Variants in TLR3 observed in about 807,000 individuals in gnomAD.
The protein encoded by TLR3 is toll like receptor 3.
Under a neutral mutation model 66.4 loss-of-function variants are expected in TLR3, and 43 were observed. The observed-to-expected ratio is 0.65, with a 90% confidence interval of 0.51 to 0.83. TLR3 has a LOEUF of 0.83. TLR3 is among the 40% of genes least tolerant of loss of function. The pLI, the probability that TLR3 is intolerant of heterozygous loss-of-function variation, is 0.00. For missense variants in TLR3, 982 were observed against 1,044.6 expected (o/e 0.94, Z 0.83); for synonymous variants, 397 against 397.2 (o/e 1.00, Z 0.01).
rs2150068742 is a variant in TLR3, at chr4:186,086,639, T to C, written c.*1766T>C. On this transcript the variant is annotated 3_prime_UTR_variant, in exon 5 of 5. Coordinates refer to ENST00000296795, the MANE Select transcript of TLR3 (RefSeq NM_003265.3). ...AAATAAAAATCACAACTTCTGCTTT[T>C]CTTATATGCTTTGTGTGTTATCACA... 6.6e-6 allele frequency: 1 copy of C among 152,370 alleles called. No homozygotes were observed. The allele number at this position is 152,370 out of a possible 1,614,324, so 9.4% of individuals were successfully genotyped here.
Position 186,083,929 on chromosome 4 carries a change from A to G in TLR3, c.2243A>G (p.Asp748Gly), listed in dbSNP as rs778610624. The G allele has an allele frequency of 2.5e-6, 4 of 1,614,054 alleles. No individual in the cohort carries two copies. The Admixed American group carries it at 6.7e-5, about 27-fold the overall frequency. ...VHRVLGFKEI[D>G]RQTEQFEYAA... ...CGAGTTCTTGGTTTCAAAGAAATAG[A>G]CAGACAGACAGAACAGTTTGAATAT... The change falls in exon 4 of 5, where the codon GAC becomes GGC. Residue 748 changes from aspartate to glycine, a missense_variant. By Grantham distance (94) the Asp-to-Gly change is moderately conservative. Around this residue, in one of 3 missense-constraint regions of TLR3, gnomAD observed 666 missense variants for 709.0 expected, o/e 0.94. Transcript: ENST00000296795. This position sits in a 1 kb window ranked among gnomAD's most constrained non-coding sequence, Gnocchi z 4.0.
chr4:186,070,345 A>C (rs1449885164), intron 1 of TLR3, among the ~76,000 whole-genome samples: 3 of 152,102 alleles, frequency 2.0e-5, no homozygotes, highest in African/African-American at 7.2e-5. Flanking sequence ...GATGGATGTG[A>C]AATTTCCCTA....
chr4:186,070,374 T>TATTTC (rs2099301227), intron 1 of TLR3, among the ~76,000 whole-genome samples: 1 of 146,624 alleles, frequency 6.8e-6, no homozygotes, highest in Non-Finnish European at 1.5e-5. Flanking sequence ...TATTTTATTT[T>TATTTC]ATTTCATTTT....
chr4:186,076,844 C>T lies in TLR3; in HGVS notation c.225C>T (p.Ser75=). 1 of 1,614,154 alleles carries T rather than the reference C, an allele frequency of 6.2e-7. No homozygotes were observed. The highest frequency in any genetic ancestry group is 8.5e-7 in the Non-Finnish European group (1 of 1,180,034). The change falls in exon 2 of 5, where the codon AGC becomes AGT. Residue 75 remains serine, a synonymous_variant. Coordinates refer to ENST00000296795, the MANE Select transcript of TLR3 (RefSeq NM_003265.3). ...RLPAANFTRY[S]QLTSLDVGFN... ...CAGCCGCCAACTTCACAAGGTATAG[C>T]CAGCTAACTAGCTTGGATGTAGGAT...
intron 2 of TLR3, among the ~76,000 whole-genome samples, chr4:186,078,606 A>G (rs1433546882): frequency 2.0e-5 from 3 of 152,216 alleles, no homozygotes; most frequent in Non-Finnish European, 4.4e-5. Flanking sequence ...TGATTCTTGA[A>G]GTAAGAAATA....
intron 1 of TLR3, among the ~76,000 whole-genome samples, chr4:186,072,335 G>A (rs768119570): frequency 3.7e-4 from 57 of 152,110 alleles, no homozygotes; most frequent in Non-Finnish European, 6.3e-4. Context: ...GAGTGGGGGC[G>A]AAGTCTCACT....
chr4:186,079,448 T>G (rs932174224), intron 3 of TLR3, among the ~76,000 whole-genome samples: 4 of 152,190 alleles, frequency 2.6e-5, no homozygotes, highest in African/African-American at 9.6e-5. Context: ...AATCATGTTA[T>G]CAGGCAAGTT....
intron 1 of TLR3, among the ~76,000 whole-genome samples, chr4:186,072,022 G>T (rs1561368879): frequency 6.6e-6 from 1 of 152,222 alleles, no homozygotes; most frequent in Non-Finnish European, 1.5e-5. Flanking sequence ...ACAATGTATG[G>T]AGTTGAGTGG....
At position 186,087,785 on chromosome 4, in the gene TLR3, A is replaced by C. The variant is rs2099304602; in HGVS notation, c.*2912A>C. The C allele has an allele frequency of 6.6e-6, 1 of 152,170 alleles. No homozygotes were observed. The allele number at this position is 152,170 out of a possible 1,614,324, so 9.4% of individuals were successfully genotyped here. ...GTTATAGTGACCATTGAAAAATGTAAAGGGGCTTCAAATCAAGAACTTAGA... is the reference window on the plus strand; with the variant it reads ...GTTATAGTGACCATTGAAAAATGTACAGGGGCTTCAAATCAAGAACTTAGA... On this transcript the variant is annotated 3_prime_UTR_variant, in exon 5 of 5. Transcript: ENST00000296795.
chr4:186,078,096 A>G (rs1579727841), intron 2 of TLR3, among the ~76,000 whole-genome samples: 1 of 152,320 alleles, frequency 6.6e-6, no homozygotes, highest in South Asian at 2.1e-4. Context: ...AGGCCTCAAA[A>G]TCTGGCTAGA....
intron 3 of TLR3, chr4:186,082,087 T>C: frequency 1.9e-6 from 1 of 529,896 alleles, no homozygotes; most frequent in Non-Finnish European, 3.3e-6. Flanking sequence ...TAGCTGGACG[T>C]GGTGGCGCAT....
rs1366088108 is a variant in TLR3, at chr4:186,083,163, A to G, written c.1477A>G (p.Lys493Glu). Residue 493 changes from lysine to glutamate, a missense_variant, in exon 4 of 5, where the codon AAA becomes GAA. Physicochemically the swap from Lys to Glu is moderately conservative, Grantham distance 56. Around this residue, in one of 3 missense-constraint regions of TLR3, gnomAD observed 666 missense variants for 709.0 expected, o/e 0.94. Coordinates refer to ENST00000296795, the MANE Select transcript of TLR3 (RefSeq NM_003265.3). This position sits in a 1 kb window ranked among gnomAD's most constrained non-coding sequence, Gnocchi z 4.0. Reference sequence around the variant, plus strand: ...ACTGATGCTCCGAAGGGTGGCCCTTAAAAATGTGGATAGCTCTCCTTCACC... The same window carrying G: ...ACTGATGCTCCGAAGGGTGGCCCTTGAAAATGTGGATAGCTCTCCTTCACC... ...QRLMLRRVAL[K>E]NVDSSPSPFQ... The G allele has an allele frequency of 6.2e-7, 1 of 1,614,204 alleles. No individual in the cohort carries two copies. The highest frequency in any genetic ancestry group is 2.2e-5 in the East Asian group (1 of 44,892).
rs1055206458 is a variant in TLR3, at chr4:186,086,823, G to A, written c.*1950G>A. 1.3e-5 allele frequency: 2 copies of A among 151,888 alleles called. No homozygotes were observed. The highest frequency in any genetic ancestry group is 2.9e-5 in the Non-Finnish European group (2 of 67,994). 9.4% of individuals were successfully genotyped at this position (151,888 alleles called of 1,614,324 possible). On this transcript the variant is annotated 3_prime_UTR_variant, in exon 5 of 5. Coordinates refer to ENST00000296795, the MANE Select transcript of TLR3 (RefSeq NM_003265.3). The stretch of plus-strand genomic sequence containing the variant: ...CTGGTGGAGAGTGTCCAGGTTCTTG[G>A]TGCTTTGAACAAGGAATTGGACAAA...
chr4:186,079,133 T>C (rs946903404), intron 3 of TLR3, 102 bp downstream of exon 3: 13 of 1,087,088 alleles, frequency 1.2e-5, no homozygotes, highest in Non-Finnish European at 1.8e-5. Context: ...CCTCTGCCTG[T>C]CTTCCAGCAA....
In TLR3 at chr4:186,083,946, T is replaced by C. The variant is rs779435031; in HGVS notation, c.2260T>C (p.Phe754Leu). The change falls in exon 4 of 5, where the codon TTT becomes CTT. Residue 754 changes from phenylalanine to leucine, a missense_variant. By Grantham distance (22) the Phe-to-Leu change is conservative. Coordinates refer to ENST00000296795, the MANE Select transcript of TLR3 (RefSeq NM_003265.3). This position sits in a 1 kb window ranked among gnomAD's most constrained non-coding sequence, Gnocchi z 4.0. ...AGAAATAGACAGACAGACAGAACAG[T>C]TTGAATATGCAGCATATATAATTCA... ...FKEIDRQTEQ[F>L]EYAAYIIHAY... 1.2e-6 allele frequency: 2 copies of C among 1,614,118 alleles called. No individual in the cohort carries two copies. Among genetic ancestry groups the C allele is most frequent in the Admixed American group, 1.7e-5 (1 of 60,012 alleles).
Position 186,085,840 on chromosome 4 carries a change from A to G in TLR3, c.*967A>G, listed in dbSNP as rs928793310. On this transcript the variant is annotated 3_prime_UTR_variant, in exon 5 of 5. Transcript: ENST00000296795. ...GTCCTTATCTAGAAAGACTATTTTT[A>G]TTTTTGTTTTTTTGTTTGTTTGTTT... The G allele has an allele frequency of 6.6e-6, 1 of 152,016 alleles. No homozygotes were observed. The highest frequency in any genetic ancestry group is 1.5e-5 in the Non-Finnish European group (1 of 68,016). The allele number at this position is 152,016 out of a possible 1,614,324, so 9.4% of individuals were successfully genotyped here. A position where few individuals can be genotyped will look rare whatever the true frequency, so the allele number is the denominator to read the frequency against.
chr4:186,077,042 TC>T lies in TLR3; in HGVS notation c.426del (p.Phe143LeufsTer7). 2 of 1,613,984 alleles carry T rather than the reference TC, an allele frequency of 1.2e-6. No individual in the cohort carries two copies. The highest frequency in any genetic ancestry group is 1.7e-6 in the Non-Finnish European group (2 of 1,179,990). ...ACTCAATCCAGAAAATTAAAAATAA[TC>T]CCTTTGTCAAGCAGAAGGTAAGTTG... Reference protein sequence around the residue: ...SNSIQKIKNNPFVKQKNLITL... With the variant: ...SNSIQKIKNNXFVKQKNLITL... On this transcript the variant is annotated frameshift_variant, in exon 2 of 5. Coordinates refer to ENST00000296795, the MANE Select transcript of TLR3 (RefSeq NM_003265.3). LOFTEE classifies it high-confidence loss of function.
chr4:186,084,620 T>C (rs2099304076), intron 4 of TLR3, 25 bp from the exon 5 acceptor site: 1 of 1,473,540 alleles, frequency 6.8e-7, no homozygotes, highest in African/African-American at 1.4e-5. Flanking sequence ...CGTATATTAA[T>C]TCTTCAATAC....
Position 186,084,649 on chromosome 4 carries a change from A to C in TLR3, c.2491A>C (p.Lys831Gln). 1 of 1,605,738 alleles carries C rather than the reference A, an allele frequency of 6.2e-7. No homozygotes were observed. The highest frequency in any genetic ancestry group is 8.5e-7 in the Non-Finnish European group (1 of 1,172,614). ...LLKDPLCKRFKVHHAVQQAIE... is the reference protein window; with the variant it reads ...LLKDPLCKRFQVHHAVQQAIE... ...TCAATACATTTTTTTACTTAGATTC[A>C]AGGTACATCATGCAGTTCAACAAGC... The change falls in exon 5 of 5, where the codon AAG (lysine) becomes CAG (glutamine). Residue 831 changes from lysine to glutamine, a missense_variant. Lys to Gln is a moderately conservative substitution (Grantham distance 53). Transcript: ENST00000296795.
Sources: gnomAD v4.1 joint callset for allele counts (sites outside exome capture counted in the v4.1 genomes callset) on GRCh38, gnomAD v4.1.1 for gene constraint, gnomAD v4.1.1 regional missense constraint, Gnocchi (gnomAD v3.1) non-coding constraint, MANE v1.5 for transcripts, NCBI Gene and HGNC (gene_info 2026-07-23, HGNC 2026-07-21) for gene names.